Variants in USP7 observed in about 807,000 individuals in gnomAD.
The protein encoded by USP7 is ubiquitin specific peptidase 7, also known as ubiquitin C-terminal hydrolase 7.
A neutral mutation model predicts 162.9 loss-of-function variants in USP7; 9 were observed. The observed-to-expected ratio is 0.06, with a 90% CI of 0.03 to 0.10. USP7 has a LOEUF of 0.10. USP7 is among the 10% of genes least tolerant of loss of function. USP7 has a pLI of 1.00. For missense variants in USP7, 715 were observed against 1,373.7 expected (o/e 0.52, Z 7.58); for synonymous variants, 562 against 475.9 (o/e 1.18, Z -2.35).
At chr16:8,949,378 C>A (rs927704601) in intron 1 of USP7, among the ~76,000 whole-genome samples, 1 of 152,134 alleles carries the variant, frequency 6.6e-6, no homozygotes. Context: ...AACTACTGTT[C>A]GAGGCATTGA....
At chr16:8,927,696 C>T (rs1189726420) in intron 2 of USP7, among the ~76,000 whole-genome samples, 1 of 152,004 alleles carries the variant, frequency 6.6e-6, no homozygotes, top group Non-Finnish European at 1.5e-5. Flanking sequence ...ATTAGCCAGG[C>T]GTGGTGGCAT....
intron 1 of USP7, among the ~76,000 whole-genome samples, chr16:8,941,815 T>C (rs1899058997): frequency 6.6e-6 from 1 of 152,194 alleles, no homozygotes; most frequent in African/African-American, 2.4e-5. Context: ...CCTCCGTCTC[T>C]GACAGATGGG....
At chr16:8,905,016 C>T (rs2061837981) in intron 14 of USP7, among the ~76,000 whole-genome samples, 171 bp downstream of exon 14, 1 of 152,084 alleles carries the variant, frequency 6.6e-6, no homozygotes, top group African/African-American at 2.4e-5. Context: ...TACTTGGTAC[C>T]ATAAGTCTGC....
intron 1 of USP7, among the ~76,000 whole-genome samples, chr16:8,937,339 G>A (rs1458798008): frequency 1.3e-5 from 2 of 152,140 alleles, no homozygotes; most frequent in Admixed American, 6.5e-5. Flanking sequence ...GAGGCCAGAA[G>A]TTTGAGACCA....
chr16:8,916,424 G>T, intron 8 of USP7, 78 bp downstream of exon 8: 1 of 1,453,744 alleles, frequency 6.9e-7, no homozygotes, highest in Non-Finnish European at 9.4e-7. Flanking sequence ...TAGGTCTGAG[G>T]TTTTACTTGG....
intron 12 of USP7, among the ~76,000 whole-genome samples, chr16:8,908,007 T>C (rs1185091186): frequency 6.6e-6 from 1 of 152,154 alleles, no homozygotes; most frequent in African/African-American, 2.4e-5. Flanking sequence ...TTATAATCGG[T>C]CAAAATTAAA....
At chr16:8,895,173 C>A (rs770725481) in intron 27 of USP7, 23 bp from the exon 28 acceptor site, 1 of 1,614,182 alleles carries the variant, frequency 6.2e-7, no homozygotes, top group South Asian at 1.1e-5. Context: ...ACAACAGACA[C>A]AGTTCTGTAA....
intron 23 of USP7, 75 bp from the exon 24 acceptor site, chr16:8,898,714 A>G: frequency 8.1e-7 from 1 of 1,241,292 alleles, no homozygotes; most frequent in Non-Finnish European, 1.1e-6. Context: ...GTGAGCATAA[A>G]AGCAAACCGC....
At position 8,904,771 on chromosome 16, in the gene USP7, T is replaced by A. The variant is rs564737677; in HGVS notation, c.1574-206A>T. Among the ~76,000 whole-genome samples the A allele has an allele frequency of 2.0e-5, 3 of 147,752 alleles. No individual in the cohort carries two copies. The South Asian group carries it at 6.6e-4, about 32-fold the overall frequency. ...TCTTGGCTAACATGGTGAAACCCCA[T>A]CTCTACTACTAAAAAAAAAAATAAA... On this transcript the variant is annotated intron_variant, in intron 14 of 30. Transcript: ENST00000344836.
At chr16:8,927,778 GT>G (rs1253546767) in intron 2 of USP7, among the ~76,000 whole-genome samples, 1 of 152,264 alleles carries the variant, frequency 6.6e-6, no homozygotes, top group African/African-American at 2.4e-5. Context: ...GGAGGTTGCA[GT>G]GAGCTGAGAT....
intron 21 of USP7, 134 bp downstream of exon 21, chr16:8,900,394 CCT>C: frequency 3.8e-6 from 2 of 531,324 alleles, no homozygotes; most frequent in East Asian, 3.2e-5. Context: ...CCAGAGAAAG[CCT>C]CTCAACAGTT....
chr16:8,929,056 AG>A (rs2078504096), intron 2 of USP7, among the ~76,000 whole-genome samples: 2 of 151,690 alleles, frequency 1.3e-5, no homozygotes, highest in East Asian at 3.9e-4. Flanking sequence ...AAAAAAAAAA[AG>A]AAAAAAACAG....
intron 1 of USP7, among the ~76,000 whole-genome samples, chr16:8,936,066 C>T (rs1318911861): frequency 3.9e-5 from 6 of 152,124 alleles, no homozygotes; most frequent in Admixed American, 6.6e-5. Context: ...GCGGGGGTCG[C>T]GAACACAATA....
chr16:8,894,536 G>A lies in USP7; in HGVS notation c.3202+14C>T. On this transcript the variant is annotated intron_variant, in intron 30 of 30. Transcript: ENST00000344836. ...GAAACCCACACCAGCCCCCGGGGGG[G>A]GGAGAACCCTTACCGGGCTGTGGCT... 6.2e-7 allele frequency: 1 copy of A among 1,610,504 alleles called. No homozygotes were observed. Among genetic ancestry groups the A allele is most frequent in the Non-Finnish European group, 8.5e-7 (1 of 1,179,730 alleles).
intron 1 of USP7, chr16:8,962,872 C>G (rs1900074269): frequency 6.4e-6 from 1 of 156,450 alleles, no homozygotes; most frequent in South Asian, 2.0e-4. Flanking sequence ...GGGACGGTCC[C>G]CGGAGTCCGC....
intron 12 of USP7, among the ~76,000 whole-genome samples, chr16:8,906,929 G>A (rs2061869580): frequency 6.6e-6 from 1 of 152,218 alleles, no homozygotes; most frequent in Non-Finnish European, 1.5e-5. Context: ...TCTGAATATT[G>A]ACTTAGTTTT....
chr16:8,912,129 C>A (rs920016564), intron 10 of USP7, among the ~76,000 whole-genome samples: 1 of 152,180 alleles, frequency 6.6e-6, no homozygotes, highest in Non-Finnish European at 1.5e-5. Flanking sequence ...AACCACCATG[C>A]CTGCTGTTCA....
intron 12 of USP7, among the ~76,000 whole-genome samples, chr16:8,906,829 T>G (rs966198800): frequency 1.3e-5 from 2 of 152,238 alleles, no homozygotes; most frequent in Non-Finnish European, 1.5e-5. Flanking sequence ...GAAATGATTC[T>G]GAAGGTCGAG....
At position 8,892,395 on chromosome 16, in the gene USP7, A is replaced by G. The variant is rs1466586686; in HGVS notation, c.*1603T>C. 1 of 152,400 alleles carries G rather than the reference A, an allele frequency of 6.6e-6. No homozygotes were observed. The highest frequency in any genetic ancestry group is 1.5e-5 in the Non-Finnish European group (1 of 68,176). The allele number at this position is 152,400 out of a possible 1,614,324, so 9.4% of individuals were successfully genotyped here. On this transcript the variant is annotated 3_prime_UTR_variant, in exon 31 of 31. Transcript: ENST00000344836. ...GAAGTTGAGAAAGGAAGTCACTCCA[A>G]GGTACACACTGGCCCAAAGACCAGG...
Sources: gnomAD v4.1 joint callset for allele counts (sites outside exome capture counted in the v4.1 genomes callset) on GRCh38, gnomAD v4.1.1 for gene constraint, MANE v1.5 for transcripts, NCBI Gene and HGNC (gene_info 2026-07-23, HGNC 2026-07-21) for gene names.